CHSY1: variants seen among roughly 807,000 people sequenced by gnomAD.
The protein encoded by CHSY1 is chondroitin sulfate synthase 1, also known as N-acetylgalactosaminyl-proteoglycan 3-beta-glucuronosyltransferase 1.
A neutral mutation model predicts 59.8 loss-of-function variants in CHSY1; 13 were observed. The ratio of observed to expected loss-of-function variants is 0.22; its 90% CI spans 0.14 to 0.35. The LOEUF is 0.35. CHSY1 is among the 10% of genes least tolerant of loss of function. The probability of loss-of-function intolerance (pLI) is 1.00; values close to 1 mark genes in which losing one functional copy is unlikely to be tolerated. For missense variants in CHSY1, 947 were observed against 1,030.6 expected (o/e 0.92, Z 1.11); for synonymous variants, 459 against 401.2 (o/e 1.14, Z -1.72).
intron 2 of CHSY1, among the ~76,000 whole-genome samples, chr15:101,204,988 A>G (rs1000473200): frequency 6.6e-6 from 1 of 152,188 alleles, no homozygotes; most frequent in Non-Finnish European, 1.5e-5. Context: ...ATTTTTCGCA[A>G]TACTACATAC....
At chr15:101,225,398 G>A (rs773002233) in intron 2 of CHSY1, among the ~76,000 whole-genome samples, 4 of 152,156 alleles carry the variant, frequency 2.6e-5, no homozygotes, top group Non-Finnish European at 2.9e-5. Context: ...ATTGATATAC[G>A]TTTTAAAAGG....
chr15:101,235,141 C>G lies in CHSY1; in HGVS notation c.757G>C (p.Val253Leu). 5 of 1,614,164 alleles carry G rather than the reference C, an allele frequency of 3.1e-6. No individual in the cohort carries two copies. Among genetic ancestry groups the G allele is most frequent in the Non-Finnish European group, 4.2e-6 (5 of 1,180,038 alleles). ...LREMYTTHED[V>L]EVGRCVRRFA... The stretch of plus-strand genomic sequence containing the variant: ...CTCCGGACACACCTTCCCACCTCCA[C>G]GTCCTCATGGGTGGTGTACATCTCC... The change falls in exon 2 of 3, where the codon GTG becomes CTG. Residue 253 changes from valine to leucine, a missense_variant. Val to Leu is a conservative substitution (Grantham distance 32). Around this residue, in one of 4 missense-constraint regions of CHSY1, gnomAD observed 5 missense variants for 20.8 expected, o/e 0.24. Coordinates refer to ENST00000254190, the MANE Select transcript of CHSY1 (RefSeq NM_014918.5).
intron 2 of CHSY1, among the ~76,000 whole-genome samples, chr15:101,190,566 T>G (rs183890442): frequency 5.9e-5 from 9 of 152,202 alleles, no homozygotes; most frequent in Non-Finnish European, 1.3e-4. Flanking sequence ...GATGACTTTC[T>G]AGACACAACA....
At chr15:101,241,226 G>T (rs1429184431) in intron 1 of CHSY1, among the ~76,000 whole-genome samples, 1 of 152,180 alleles carries the variant, frequency 6.6e-6, no homozygotes. Context: ...GAGTAGCTGG[G>T]ATTACAGGCA....
chr15:101,220,592 G>C (rs1026671470), intron 2 of CHSY1, among the ~76,000 whole-genome samples: 2 of 152,098 alleles, frequency 1.3e-5, no homozygotes, highest in East Asian at 3.9e-4. Flanking sequence ...CAACCTCCCT[G>C]CTGCAACTCT....
At chr15:101,228,359 G>A (rs982521843) in intron 2 of CHSY1, among the ~76,000 whole-genome samples, 1 of 152,002 alleles carries the variant, frequency 6.6e-6, no homozygotes, top group Non-Finnish European at 1.5e-5. Context: ...TGAAAAACAA[G>A]CCACATAACC....
rs182860226 is a variant in CHSY1, at chr15:101,205,846, G to C, written c.817-26866C>G. ...GGCGCCCGTAGTCCCAGCTACTCAG[G>C]GGGGCTGAGGCAGGAGAATGGCGTG... On this transcript the variant is annotated intron_variant, in intron 2 of 2. Transcript: ENST00000254190. Among the ~76,000 whole-genome samples the C allele has an allele frequency of 7.6e-3, 1,154 of 152,222 alleles. 3 individuals are homozygous for C. Among genetic ancestry groups the C allele is most frequent in the Non-Finnish European group, 0.012 (798 of 68,006 alleles).
chr15:101,230,671 T>C (rs2038884528), intron 2 of CHSY1, among the ~76,000 whole-genome samples: 1 of 152,218 alleles, frequency 6.6e-6, no homozygotes, highest in African/African-American at 2.4e-5. Flanking sequence ...TTTTATCTTT[T>C]TACACATTTT....
intron 2 of CHSY1, among the ~76,000 whole-genome samples, chr15:101,216,764 G>T (rs116515005): frequency 0.021 from 3,130 of 149,320 alleles, 109 homozygotes; most frequent in African/African-American, 0.073. Context: ...GAAACACAAG[G>T]ATTTGTAGGG....
intron 1 of CHSY1, among the ~76,000 whole-genome samples, chr15:101,239,885 G>C (rs1041926776): frequency 2.0e-5 from 3 of 152,128 alleles, no homozygotes; most frequent in Non-Finnish European, 4.4e-5. Context: ...CCTGCTTCCC[G>C]TGTACCCCAC....
chr15:101,245,080 C>T (rs1240071311), intron 1 of CHSY1, among the ~76,000 whole-genome samples: 1 of 152,208 alleles, frequency 6.6e-6, no homozygotes, highest in Non-Finnish European at 1.5e-5. Context: ...CCACCCTCTG[C>T]AGCAGCAACA....
At chr15:101,209,544 G>A (rs1034583998) in intron 2 of CHSY1, among the ~76,000 whole-genome samples, 1 of 152,098 alleles carries the variant, frequency 6.6e-6, no homozygotes, top group Non-Finnish European at 1.5e-5. Context: ...TTCAGAGACT[G>A]GAAATTGTGA....
At chr15:101,222,787 T>TGG (rs144775914) in intron 2 of CHSY1, among the ~76,000 whole-genome samples, 4 of 151,660 alleles carry the variant, frequency 2.6e-5, no homozygotes, top group East Asian at 3.9e-4. Context: ...GCCATCATGG[T>TGG]GGGGGGGGTA....
At chr15:101,184,294 T>C (rs2038322938) in intron 2 of CHSY1, among the ~76,000 whole-genome samples, 1 of 152,210 alleles carries the variant, frequency 6.6e-6, no homozygotes, top group African/African-American at 2.4e-5. Flanking sequence ...TAAAACAGAC[T>C]GAGGGTTTTA....
chr15:101,189,798 C>T (rs1054801346), intron 2 of CHSY1, among the ~76,000 whole-genome samples: 3 of 152,210 alleles, frequency 2.0e-5, no homozygotes, highest in Non-Finnish European at 4.4e-5. Context: ...AAAACCCAAC[C>T]ACCCCCACCA....
chr15:101,251,085 G>A (rs990096214), intron 1 of CHSY1, 52 bp downstream of exon 1: 7 of 1,506,442 alleles, frequency 4.6e-6, no homozygotes, highest in African/African-American at 2.8e-5. Context: ...CCGGGATGCC[G>A]GCCGCCGGGA....
rs2038237750 is a variant in CHSY1 at position 101,178,949 on chromosome 15, T to C, written c.848A>G (p.Gln283Arg). ...ATCTCTAATGTACCCCTTTTTGTTC[T>C]GCTCGTAATTCTCATAAAAAAGCTG... ...MQQLFYENYE[Q>R]NKKGYIRDLH... Residue 283 changes from glutamine to arginine, a missense_variant, in exon 3 of 3, where the codon CAG becomes CGG. Physicochemically the swap from Gln to Arg is conservative, Grantham distance 43 (BLOSUM62 1). This residue lies in a region of CHSY1 where 602 missense variants were observed against 676.9 expected (regional missense o/e 0.89). Coordinates refer to ENST00000254190, the MANE Select transcript of CHSY1 (RefSeq NM_014918.5). 1 of 1,614,036 alleles carries C rather than the reference T, an allele frequency of 6.2e-7. No homozygotes were observed. The highest frequency in any genetic ancestry group is 8.5e-7 in the Non-Finnish European group (1 of 1,180,022).
Position 101,178,161 on chromosome 15 carries a change from T to C in CHSY1, c.1636A>G (p.Met546Val). 1.2e-6 allele frequency: 2 copies of C among 1,614,218 alleles called. No individual in the cohort carries two copies. The highest frequency in any genetic ancestry group is 1.7e-6 in the Non-Finnish European group (2 of 1,180,030). ...ILIPLSGRFD[M>V]FVRFMGNFEK... ...AAGTTTCCCATAAATCTCACAAACA[T>C]GTCGAAACGCCCAGACAAAGGAATC... Residue 546 changes from methionine to valine, a missense_variant, in exon 3 of 3, where the codon ATG (methionine) becomes GTG (valine). By Grantham distance (21) the Met-to-Val change is conservative. This residue lies in a region of CHSY1 where 602 missense variants were observed against 676.9 expected (regional missense o/e 0.89). Coordinates refer to ENST00000254190, the MANE Select transcript of CHSY1 (RefSeq NM_014918.5).
chr15:101,251,145 G>T lies in CHSY1; in HGVS notation c.312C>A (p.Ala104=). ...GGGGAGCAGGGGCTCACCTGTAGGC[G>T]GCCACGGCCCGAGTCTGCAGGTATT... ...AQKYLQTRAV[A]AYRTWSKTIP... Residue 104 remains alanine (A), a synonymous_variant, in exon 1 of 3, where the codon GCC becomes GCA. Transcript: ENST00000254190. 1 of 1,588,030 alleles carries T rather than the reference G, an allele frequency of 6.3e-7. No homozygotes were observed. Among genetic ancestry groups the T allele is most frequent in the South Asian group, 1.1e-5 (1 of 88,012 alleles).
Sources: allele counts gnomAD v4.1 joint callset (sites outside exome capture counted in the v4.1 genomes callset), GRCh38; gene constraint gnomAD v4.1.1; regional missense constraint gnomAD v4.1.1; transcripts MANE v1.5; gene names NCBI Gene and HGNC (gene_info 2026-07-23, HGNC 2026-07-21).